The following PALM2AKAP2 variants were observed in gnomAD, a reference collection of about 807,000 sequenced individuals.
PALM2AKAP2 encodes PALM2 and AKAP2 fusion.
In PALM2AKAP2, 37 loss-of-function variants were observed where a neutral mutation model predicts 71.5. That is an observed-to-expected ratio of 0.52 (90% CI 0.40 to 0.68). The LOEUF (loss-of-function observed/expected upper bound fraction) is 0.68, where lower values mean the gene tolerates loss of function less well. Ranked by LOEUF, PALM2AKAP2 falls within the 30% of genes least tolerant of loss-of-function variation. The probability of loss-of-function intolerance (pLI) is 0.00; values close to 1 mark genes in which losing one functional copy is unlikely to be tolerated. For synonymous variants in PALM2AKAP2, 468 were observed against 478.8 expected (o/e 0.98, Z 0.29); for missense variants, 1,224 against 1,191.8 (o/e 1.03, Z -0.40).
intron 1 of PALM2AKAP2, among the ~76,000 whole-genome samples, chr9:109,807,303 T>G (rs903621589): frequency 6.6e-6 from 1 of 152,172 alleles, no homozygotes; most frequent in Non-Finnish European, 1.5e-5. Context: ...TTTTTGGAGA[T>G]GTTGGTCTGA....
rs556259518 is a variant in PALM2AKAP2, at chr9:109,801,696, C to T, written c.45+21163C>T. 5.3e-5 allele frequency among the ~76,000 whole-genome samples: 8 copies of T among 150,652 alleles called. No individual in the cohort carries two copies. In the South Asian group the frequency reaches 1.5e-3, roughly 28 times the overall value. ...CTCAGGCCAGAGCTGGGCCAGCTGC[C>T]CAGGTGTTGATATGTGTGTGTGTGT... is the stretch of plus-strand genomic sequence containing the variant. On this transcript the variant is annotated intron_variant, in intron 1 of 9. Transcript: ENST00000302798.
At chr9:109,855,106 C>A (rs560093855) in intron 1 of PALM2AKAP2, among the ~76,000 whole-genome samples, 1 of 151,410 alleles carries the variant, frequency 6.6e-6, no homozygotes, top group Admixed American at 6.6e-5. Flanking sequence ...CAGGGTCTCA[C>A]TGTGTCCCCA....
chr9:110,166,456 C>T (rs557946411), intron 3 of PALM2AKAP2, among the ~76,000 whole-genome samples: 2 of 152,296 alleles, frequency 1.3e-5, no homozygotes, highest in East Asian at 1.9e-4. Context: ...AAGACTTCCA[C>T]GTGCAGTCCA....
chr9:109,743,468 A>G (rs1828749440), intron 1 of PALM2AKAP2, among the ~76,000 whole-genome samples: 1 of 152,294 alleles, frequency 6.6e-6, no homozygotes, highest in East Asian at 1.9e-4. Flanking sequence ...CATCATACAA[A>G]TGGAGGGCCG....
rs550060697 is a variant in PALM2AKAP2, at chr9:109,889,382, T to C, written c.257+8701T>C. Among the ~76,000 whole-genome samples, 7 of 152,190 alleles carry C rather than the reference T, an allele frequency of 4.6e-5. No homozygotes were observed. In the East Asian group the frequency reaches 1.3e-3, roughly 29 times the overall value. ...AATGAGTGGGAGTGAAAAAACAGTC[T>C]CTCCCCAAAGCCTGAAAGTGACAGG... is the stretch of plus-strand genomic sequence containing the variant. On this transcript the variant is annotated intron_variant, in intron 3 of 9. Coordinates refer to the PALM2AKAP2 transcript ENST00000302798.
At chr9:109,915,923 C>T (rs1347398893) in intron 3 of PALM2AKAP2, among the ~76,000 whole-genome samples, 2 of 151,818 alleles carry the variant, frequency 1.3e-5, no homozygotes, top group Non-Finnish European at 2.9e-5. Context: ...GACCAACACC[C>T]AGGCAAAGGG....
At chr9:109,858,994 AC>A in intron 1 of PALM2AKAP2, among the ~76,000 whole-genome samples, 1 of 152,294 alleles carries the variant, frequency 6.6e-6, no homozygotes, top group Admixed American at 6.5e-5. Flanking sequence ...TCTATAAAGG[AC>A]CCTAAATGGA....
At chr9:110,106,073 G>A (rs999732699) in intron 1 of PALM2AKAP2, among the ~76,000 whole-genome samples, 1 of 152,198 alleles carries the variant, frequency 6.6e-6, no homozygotes, top group African/African-American at 2.4e-5. Flanking sequence ...TACTCATTAA[G>A]AGGCTGTGTT....
chr9:109,894,649 G>A (rs931334576), intron 3 of PALM2AKAP2, among the ~76,000 whole-genome samples: 3 of 152,200 alleles, frequency 2.0e-5, no homozygotes, highest in Non-Finnish European at 2.9e-5. Context: ...TGCATGTGTC[G>A]TGGGCTGAGT....
chr9:109,651,436 G>T (rs886379147), intron 1 of PALM2AKAP2, among the ~76,000 whole-genome samples: 2 of 152,152 alleles, frequency 1.3e-5, no homozygotes, highest in Non-Finnish European at 2.9e-5. Context: ...ATTGCTGTGG[G>T]TTACTGTCAG....
chr9:109,952,880 G>A (rs1831671057), intron 6 of PALM2AKAP2, among the ~76,000 whole-genome samples: 1 of 152,188 alleles, frequency 6.6e-6, no homozygotes, highest in Non-Finnish European at 1.5e-5. Context: ...TAGTGTTGTT[G>A]TGAAGTTAAA....
chr9:109,990,719 A>G (rs1204577736), intron 6 of PALM2AKAP2, among the ~76,000 whole-genome samples: 2 of 152,208 alleles, frequency 1.3e-5, no homozygotes, highest in African/African-American at 4.8e-5. Context: ...AAAGCCACAG[A>G]TCATTTGGGT....
intron 1 of PALM2AKAP2, chr9:109,760,237 T>A (rs1012364229): frequency 6.6e-6 from 1 of 152,190 alleles, no homozygotes; most frequent in Non-Finnish European, 1.5e-5. Flanking sequence ...CTTTGTGGAA[T>A]TTAGGTTAAG....
intron 1 of PALM2AKAP2, among the ~76,000 whole-genome samples, chr9:109,645,562 AC>A (rs370052422): frequency 2.2e-3 from 325 of 147,808 alleles, no homozygotes; most frequent in African/African-American, 7.1e-3. Context: ...AAAAAAAAAA[AC>A]CCCAGCCATA....
chr9:110,048,668 C>G (rs1190553699), upstream of PALM2AKAP2: 1 of 1,495,622 alleles, frequency 6.7e-7, no homozygotes, highest in Admixed American at 2.2e-5. Flanking sequence ...TCCCCGCCCT[C>G]CAGCGCGCCC....
chr9:109,814,946 A>T (rs983320572), intron 1 of PALM2AKAP2, among the ~76,000 whole-genome samples: 2 of 152,090 alleles, frequency 1.3e-5, no homozygotes, highest in African/African-American at 4.8e-5. Flanking sequence ...ATCTAGTTGG[A>T]TATGCATTTT....
At chr9:109,692,200 T>C (rs920140045) in intron 1 of PALM2AKAP2, among the ~76,000 whole-genome samples, 1 of 151,606 alleles carries the variant, frequency 6.6e-6, no homozygotes, top group Non-Finnish European at 1.5e-5. Context: ...TTCATAGTTT[T>C]AAAATTTTAT....
At chr9:110,035,272 A>G (rs1415913385) in intron 7 of PALM2AKAP2, among the ~76,000 whole-genome samples, 1 of 137,158 alleles carries the variant, frequency 7.3e-6, no homozygotes, top group African/African-American at 2.7e-5. Context: ...CATATATAAT[A>G]TATAATATAC....
At chr9:110,082,932 G>C (rs912774686) in intron 1 of PALM2AKAP2, among the ~76,000 whole-genome samples, 9 of 152,056 alleles carry the variant, frequency 5.9e-5, no homozygotes, top group Admixed American at 5.9e-4. Flanking sequence ...ACCTGAGGTC[G>C]GGAGTTCGAG....
Sources: gnomAD v4.1 joint callset for allele counts (sites outside exome capture counted in the v4.1 genomes callset) on GRCh38, gnomAD v4.1.1 for gene constraint, MANE v1.5 for transcripts, NCBI Gene and HGNC (gene_info 2026-07-23, HGNC 2026-07-21) for gene names.